The following CNTN5 variants were observed in gnomAD, a reference collection of about 807,000 sequenced individuals.
CNTN5 encodes contactin 5.
In CNTN5, 77 loss-of-function variants were observed where a neutral mutation model predicts 129.1. The ratio of observed to expected loss-of-function variants is 0.60; its 90% confidence interval spans 0.50 to 0.72. The LOEUF (loss-of-function observed/expected upper bound fraction) is 0.72. Ranked by LOEUF, CNTN5 falls within the 30% of genes least tolerant of loss-of-function variation. The probability of loss-of-function intolerance (pLI) is 0.00; values close to 1 mark genes in which losing one functional copy is unlikely to be tolerated. For synonymous variants in CNTN5, 509 were observed against 465.6 expected (o/e 1.09, Z -1.20); for missense variants, 1,478 against 1,328.8 (o/e 1.11, Z -1.75).
intron 3 of CNTN5, among the ~76,000 whole-genome samples, chr11:99,734,879 G>A (rs1420208803): frequency 6.6e-6 from 1 of 152,152 alleles, no homozygotes; most frequent in African/African-American, 2.4e-5. Flanking sequence ...GCAGTGGCAG[G>A]CGCCTGTAGT....
At chr11:99,708,525 T>C (rs1012128952) in intron 3 of CNTN5, among the ~76,000 whole-genome samples, 1 of 151,742 alleles carries the variant, frequency 6.6e-6, no homozygotes, top group Non-Finnish European at 1.5e-5. Context: ...ACATATTGTT[T>C]ATAATAAGAT....
At chr11:99,678,783 C>T (rs1953413234) in intron 3 of CNTN5, among the ~76,000 whole-genome samples, 1 of 151,734 alleles carries the variant, frequency 6.6e-6, no homozygotes, top group Non-Finnish European at 1.5e-5. Context: ...ACAGCGCCAA[C>T]TACAGTAAAG....
chr11:99,766,166 C>T (rs368953215), intron 3 of CNTN5, among the ~76,000 whole-genome samples: 2 of 151,922 alleles, frequency 1.3e-5, no homozygotes, highest in Non-Finnish European at 2.9e-5. Context: ...AGCTATACAT[C>T]GTATGATAAA....
chr11:99,284,194 A>G (rs968267583), intron 1 of CNTN5, among the ~76,000 whole-genome samples: 1 of 152,096 alleles, frequency 6.6e-6, no homozygotes, highest in Non-Finnish European at 1.5e-5. Flanking sequence ...TTTGGAATTT[A>G]TTGGAAATTG....
intron 1 of CNTN5, among the ~76,000 whole-genome samples, chr11:99,100,950 G>A (rs1866701825): frequency 6.6e-6 from 1 of 152,138 alleles, no homozygotes; most frequent in Non-Finnish European, 1.5e-5. Context: ...TAATATGATT[G>A]TATTAGTCCA....
chr11:100,217,188 A>T (rs1008967280), intron 15 of CNTN5, among the ~76,000 whole-genome samples: 1 of 152,170 alleles, frequency 6.6e-6, no homozygotes, highest in Admixed American at 6.5e-5. Flanking sequence ...GCCATAATTT[A>T]TCTTTTCTCT....
chr11:99,211,062 C>T (rs1440086651), intron 1 of CNTN5, among the ~76,000 whole-genome samples: 1 of 152,138 alleles, frequency 6.6e-6, no homozygotes, highest in Non-Finnish European at 1.5e-5. Context: ...GACAACATCA[C>T]TGTCACCTAA....
chr11:99,500,250 G>A (rs1946378310), intron 2 of CNTN5, among the ~76,000 whole-genome samples: 2 of 152,124 alleles, frequency 1.3e-5, no homozygotes, highest in Admixed American at 1.3e-4. Context: ...CTGAGAGTTT[G>A]TTTATATGCA....
At chr11:99,284,158 A>T (rs1863821158) in intron 1 of CNTN5, among the ~76,000 whole-genome samples, 1 of 152,136 alleles carries the variant, frequency 6.6e-6, no homozygotes. Flanking sequence ...ACACCAGGCT[A>T]GTCTCATACT....
chr11:99,519,776 T>C lies in CNTN5; in HGVS notation c.-70-36369T>C, dbSNP rs921915252. Among the ~76,000 whole-genome samples the C allele has an allele frequency of 5.9e-5, 9 of 152,160 alleles. No homozygotes were observed. The South Asian group carries it at 1.9e-3, about 32-fold the overall frequency. The stretch of plus-strand genomic sequence containing the variant: ...TCTGGGAACAATTCTAGAGTTTACA[T>C]GGAAAAAAAGAAGAGCATTTTGTAC... On this transcript the variant is annotated intron_variant, in intron 2 of 24. Transcript: ENST00000524871.
intron 20 of CNTN5, among the ~76,000 whole-genome samples, chr11:100,300,358 A>G (rs901871889): frequency 5.3e-5 from 8 of 151,282 alleles, no homozygotes; most frequent in East Asian, 2.0e-4. Context: ...CAAGTGGGGG[A>G]AAAAAATGAG....
intron 1 of CNTN5, among the ~76,000 whole-genome samples, chr11:99,309,306 A>T (rs972122035): frequency 6.6e-6 from 1 of 152,016 alleles, no homozygotes; most frequent in Non-Finnish European, 1.5e-5. Context: ...TCCTTAAAAA[A>T]ATGTTTCACT....
chr11:99,209,733 GTAAA>G (rs1859671011), intron 1 of CNTN5, among the ~76,000 whole-genome samples: 1 of 152,094 alleles, frequency 6.6e-6, no homozygotes. Context: ...TGAATAGACA[GTAAA>G]TGAATAGACA....
chr11:99,566,746 A>T (rs1949018709), intron 3 of CNTN5, among the ~76,000 whole-genome samples: 1 of 152,192 alleles, frequency 6.6e-6, no homozygotes, highest in African/African-American at 2.4e-5. Flanking sequence ...AGATCAGGGG[A>T]AATAATGCAT....
At chr11:100,332,466 T>A (rs1013634876) in intron 21 of CNTN5, among the ~76,000 whole-genome samples, 4 of 151,942 alleles carry the variant, frequency 2.6e-5, no homozygotes, top group Non-Finnish European at 5.9e-5. Context: ...AAAGAGGGAA[T>A]CCTCCCTAAA....
At chr11:99,989,095 A>G (rs1938884063) in intron 8 of CNTN5, among the ~76,000 whole-genome samples, 1 of 152,176 alleles carries the variant, frequency 6.6e-6, no homozygotes, top group Admixed American at 6.6e-5. Context: ...AATCTGCTAG[A>G]CTTAAATGTT....
chr11:100,052,133 T>C (rs1221458200), intron 9 of CNTN5, among the ~76,000 whole-genome samples: 2 of 151,880 alleles, frequency 1.3e-5, no homozygotes, highest in Non-Finnish European at 2.9e-5. Context: ...GAAAATAATC[T>C]TACATCATCT....
intron 16 of CNTN5, among the ~76,000 whole-genome samples, chr11:100,255,082 G>T (rs1034687939): frequency 5.3e-5 from 8 of 151,958 alleles, no homozygotes; most frequent in Non-Finnish European, 1.2e-4. Context: ...TAATCAAAAG[G>T]GAATTAATCC....
At chr11:99,940,781 A>G (rs4562798) in intron 7 of CNTN5, among the ~76,000 whole-genome samples, 40,391 of 151,988 alleles carry the variant, frequency 0.27, 6,492 homozygotes, top group South Asian at 0.37. Context: ...ACCACTGGAA[A>G]ATATGGTATT....
Sources: gnomAD v4.1 joint callset for allele counts (sites outside exome capture counted in the v4.1 genomes callset) on GRCh38, gnomAD v4.1.1 for gene constraint, MANE v1.5 for transcripts, NCBI Gene and HGNC (gene_info 2026-07-23, HGNC 2026-07-21) for gene names.